PTPRA: variants seen among roughly 807,000 people sequenced by gnomAD.
PTPRA encodes protein tyrosine phosphatase receptor type A.
In PTPRA, 25 loss-of-function variants were observed where a neutral mutation model predicts 104.8. The ratio of observed to expected loss-of-function variants is 0.24; its 90% CI spans 0.17 to 0.33. The LOEUF (loss-of-function observed/expected upper bound fraction) is 0.33, where lower values mean the gene tolerates loss of function less well. PTPRA is among the 10% of genes least tolerant of loss of function. PTPRA has a pLI of 1.00. For synonymous variants in PTPRA, 323 were observed against 368.9 expected (o/e 0.88, Z 1.43); for missense variants, 765 against 1,015.3 (o/e 0.75, Z 3.35).
chr20:2,895,437 C>T (rs1307801413), intron 1 of PTPRA, among the ~76,000 whole-genome samples: 1 of 152,070 alleles, frequency 6.6e-6, no homozygotes, highest in Non-Finnish European at 1.5e-5. Context: ...CTGAAGGCTC[C>T]TGAACTCTTC....
chr20:3,015,925 G>C (rs1189917431), intron 12 of PTPRA, 40 bp downstream of exon 12: 4 of 1,527,866 alleles, frequency 2.6e-6, no homozygotes, highest in Non-Finnish European at 3.6e-6. Context: ...ATTTAACCAT[G>C]ATCACATAAT....
Position 2,989,877 on chromosome 20 carries a change from C to A in PTPRA, c.738+1403C>A, listed in dbSNP as rs1600220895. Among the ~76,000 whole-genome samples the A allele has an allele frequency of 2.0e-5, 3 of 152,140 alleles. No individual in the cohort carries two copies. In the East Asian group the frequency reaches 5.8e-4, roughly 29 times the overall value. Reference sequence around the variant, plus strand: ...CTAAAAATACAAAAAATTAGCTGGGCATGGTGGTGGGCACCTATAGTTGCA... The same window carrying A: ...CTAAAAATACAAAAAATTAGCTGGGAATGGTGGTGGGCACCTATAGTTGCA... On this transcript the variant is annotated intron_variant, in intron 9 of 23. Transcript: ENST00000399903.
At chr20:2,958,418 G>C (rs1290642844) in intron 3 of PTPRA, among the ~76,000 whole-genome samples, 1 of 152,040 alleles carries the variant, frequency 6.6e-6, no homozygotes, top group African/African-American at 2.4e-5. Context: ...CATCCATGAG[G>C]ATATTGAAGT....
the PTPRA span, chr20:2,864,728 T>C: frequency 6.7e-7 from 1 of 1,498,176 alleles, no homozygotes; most frequent in Admixed American, 1.7e-5. The surrounding 1 kb of genome is among the most constrained non-coding windows in gnomAD (Gnocchi z 5.2). Flanking sequence ...CCTTCAGGAA[T>C]CTAGGCCTTC....
intron 1 of PTPRA, among the ~76,000 whole-genome samples, chr20:2,897,390 T>C (rs1387115779): frequency 1.4e-5 from 2 of 147,304 alleles, no homozygotes; most frequent in Admixed American, 6.8e-5. Flanking sequence ...ATTTCTTTTT[T>C]TTTTTTTTTT....
intron 1 of PTPRA, among the ~76,000 whole-genome samples, chr20:2,894,180 T>A (rs929444497): frequency 6.6e-5 from 10 of 152,206 alleles, no homozygotes; most frequent in Non-Finnish European, 1.3e-4. Flanking sequence ...TGGTTCAGTG[T>A]TTGTCTTCCA....
chr20:2,874,011 C>G (rs561363777), intron 1 of PTPRA, among the ~76,000 whole-genome samples: 23 of 152,320 alleles, frequency 1.5e-4, no homozygotes, highest in African/African-American at 5.5e-4. Flanking sequence ...ACTTTGCATG[C>G]GTCCTTCTGG....
intron 2 of PTPRA, among the ~76,000 whole-genome samples, chr20:2,930,883 A>G (rs1245059696): frequency 6.6e-6 from 1 of 152,198 alleles, no homozygotes; most frequent in East Asian, 1.9e-4. Context: ...ACAGGGGCCA[A>G]ACTGTGAAGC....
intron 20 of PTPRA, among the ~76,000 whole-genome samples, chr20:3,033,900 C>CA (rs10544314): frequency 2.8e-5 from 3 of 107,664 alleles, no homozygotes; most frequent in Admixed American, 1.9e-4. Flanking sequence ...AGCTCCATCT[C>CA]AAAAAAAAAA....
chr20:2,884,898 C>T (rs1037263871), intron 1 of PTPRA, among the ~76,000 whole-genome samples: 7 of 151,874 alleles, frequency 4.6e-5, no homozygotes, highest in Non-Finnish European at 1.0e-4. Context: ...CAAGCTCTGC[C>T]TCCCAGGTTC....
intron 20 of PTPRA, among the ~76,000 whole-genome samples, chr20:3,031,183 G>A (rs1324148247): frequency 6.6e-6 from 1 of 152,094 alleles, no homozygotes; most frequent in Non-Finnish European, 1.5e-5. Context: ...TCTTCACAAA[G>A]CTGTGTGTCC....
At chr20:3,036,551 G>C (rs745711713) in intron 22 of PTPRA, among the ~76,000 whole-genome samples, 6 of 152,210 alleles carry the variant, frequency 3.9e-5, no homozygotes, top group Non-Finnish European at 7.3e-5. Flanking sequence ...AGCCTTCCCT[G>C]AGTACCCTGC....
chr20:2,916,338 C>T (rs1243930510), intron 1 of PTPRA, among the ~76,000 whole-genome samples: 1 of 152,164 alleles, frequency 6.6e-6, no homozygotes, highest in Non-Finnish European at 1.5e-5. Flanking sequence ...CCACCACTTT[C>T]AGTCCCAAGT....
At chr20:2,938,160 G>C (rs1285955149) in intron 2 of PTPRA, among the ~76,000 whole-genome samples, 5 of 151,948 alleles carry the variant, frequency 3.3e-5, no homozygotes, top group Non-Finnish European at 7.4e-5. Flanking sequence ...CTCTAAAACA[G>C]ATAGATAGAT....
At chr20:2,865,315 G>A in the PTPRA span, 2 of 1,614,192 alleles carry the variant, frequency 1.2e-6, no homozygotes, top group Non-Finnish European at 1.7e-6. This position sits in a 1 kb window ranked among gnomAD's most constrained non-coding sequence, Gnocchi z 5.2. Context: ...TCCCTGACAA[G>A]AGGTAGGTGA....
chr20:2,869,669 G>A (rs1474072243), upstream of PTPRA, among the ~76,000 whole-genome samples: 2 of 152,204 alleles, frequency 1.3e-5, no homozygotes, highest in Admixed American at 1.3e-4. Context: ...CCAGTGCAGG[G>A]AGAATCAGGG....
chr20:2,997,964 A>G (rs1038874704), intron 9 of PTPRA, among the ~76,000 whole-genome samples: 1 of 152,194 alleles, frequency 6.6e-6, no homozygotes, highest in African/African-American at 2.4e-5. Flanking sequence ...TATCTCTACA[A>G]AACAATTTTT....
intron 10 of PTPRA, 60 bp from the exon 11 acceptor site, chr20:3,007,284 G>A (rs888304784): frequency 1.8e-5 from 27 of 1,519,496 alleles, no homozygotes; most frequent in South Asian, 1.1e-4. Context: ...TCCTGGTTGC[G>A]TCAGGTTCTG....
chr20:3,007,811 T>C (rs2063943894), intron 11 of PTPRA, among the ~76,000 whole-genome samples: 1 of 126,404 alleles, frequency 7.9e-6, no homozygotes, highest in Non-Finnish European at 1.6e-5. Flanking sequence ...TGTATGTATA[T>C]ATGTGTGTGT....
Sources: allele counts gnomAD v4.1 joint callset (sites outside exome capture counted in the v4.1 genomes callset), GRCh38; gene constraint gnomAD v4.1.1; non-coding constraint Gnocchi (gnomAD v3.1); transcripts MANE v1.5; gene names NCBI Gene and HGNC (gene_info 2026-07-23, HGNC 2026-07-21).